The following DNM3 variants were observed in gnomAD, a reference collection of about 807,000 sequenced individuals.
The protein encoded by DNM3 is dynamin-3.
Under a neutral mutation model 101.6 loss-of-function variants are expected in DNM3, and 47 were observed. The observed-to-expected ratio is 0.46, with a 90% CI of 0.37 to 0.59. DNM3 has a LOEUF of 0.59. DNM3 is among the 20% of genes least tolerant of loss of function. DNM3 has a pLI of 0.00. For missense variants in DNM3, 849 were observed against 1,085.7 expected (o/e 0.78, Z 3.06); for synonymous variants, 385 against 387.9 (o/e 0.99, Z 0.09).
intron 2 of DNM3, among the ~76,000 whole-genome samples, chr1:171,945,127 C>T (rs974792552): frequency 6.6e-6 from 1 of 151,934 alleles, no homozygotes; most frequent in African/African-American, 2.4e-5. Flanking sequence ...GCTTTAGCCT[C>T]CCAAAGTTTT....
chr1:171,995,911 A>G (rs2045964773), intron 4 of DNM3, among the ~76,000 whole-genome samples: 1 of 152,164 alleles, frequency 6.6e-6, no homozygotes, highest in African/African-American at 2.4e-5. Flanking sequence ...ACTTTGTACT[A>G]AATTAAATCT....
chr1:171,939,911 A>G (rs975666021), intron 2 of DNM3, among the ~76,000 whole-genome samples: 2 of 152,076 alleles, frequency 1.3e-5, no homozygotes, highest in Non-Finnish European at 2.9e-5. Context: ...TCTGGAAGGC[A>G]TTGTCTCTGT....
At position 171,922,477 on chromosome 1, in the gene DNM3, C is replaced by T. The variant is rs576157500; in HGVS notation, c.235+656C>T. Among the ~76,000 whole-genome samples, 8 of 152,190 alleles carry T rather than the reference C, an allele frequency of 5.3e-5. No individual in the cohort carries two copies. In the East Asian group the frequency reaches 1.5e-3, roughly 29 times the overall value. On this transcript the variant is annotated intron_variant, in intron 2 of 20. Transcript: ENST00000627582. ...TATCAATTTCTTTGAATGCTTAAGACTGAAGCACCTCATAAAAATCATCTA... is the reference window on the plus strand; with the variant it reads ...TATCAATTTCTTTGAATGCTTAAGATTGAAGCACCTCATAAAAATCATCTA...
At chr1:172,083,063 G>T (rs983115022) in intron 12 of DNM3, among the ~76,000 whole-genome samples, 1 of 152,194 alleles carries the variant, frequency 6.6e-6, no homozygotes, top group Non-Finnish European at 1.5e-5. Context: ...CTTCTTGATA[G>T]GTATTTGCTG....
At chr1:172,229,621 C>T (rs1172689262) in intron 14 of DNM3, among the ~76,000 whole-genome samples, 1 of 152,066 alleles carries the variant, frequency 6.6e-6, no homozygotes, top group East Asian at 1.9e-4. Context: ...AATTTAAAAA[C>T]CCAAGTGATT....
chr1:172,253,369 A>T (rs1401560986), intron 14 of DNM3, among the ~76,000 whole-genome samples: 1 of 152,034 alleles, frequency 6.6e-6, no homozygotes, highest in Non-Finnish European at 1.5e-5. Context: ...ATTCCTTAAT[A>T]GCTGGTATCA....
At chr1:172,113,585 A>C (rs2055653068) in intron 13 of DNM3, among the ~76,000 whole-genome samples, 1 of 132,732 alleles carries the variant, frequency 7.5e-6, no homozygotes. Flanking sequence ...GCACCATTGC[A>C]CTCCAGCCTG....
At chr1:172,229,740 T>C (rs1175377119) in intron 14 of DNM3, among the ~76,000 whole-genome samples, 1 of 151,790 alleles carries the variant, frequency 6.6e-6, no homozygotes, top group African/African-American at 2.4e-5. Flanking sequence ...CTACAAAACA[T>C]ACACGCACGC....
At chr1:172,389,591 T>C (rs1215125655) in intron 20 of DNM3, among the ~76,000 whole-genome samples, 2 of 152,020 alleles carry the variant, frequency 1.3e-5, no homozygotes, top group Admixed American at 1.3e-4. Flanking sequence ...AGTACTAAGG[T>C]TTTTTTCCCC....
chr1:172,125,048 G>A (rs2056545870), intron 13 of DNM3, among the ~76,000 whole-genome samples: 1 of 152,138 alleles, frequency 6.6e-6, no homozygotes, highest in Non-Finnish European at 1.5e-5. Flanking sequence ...CCTTCGAGGA[G>A]CCCATGCAGC....
chr1:172,025,864 A>C (rs1216848334), intron 4 of DNM3, among the ~76,000 whole-genome samples: 1 of 152,224 alleles, frequency 6.6e-6, no homozygotes, highest in Non-Finnish European at 1.5e-5. Context: ...CAGTGCAAAA[A>C]GGCTGAAAAT....
chr1:172,331,925 G>C (rs1433212675), intron 17 of DNM3, among the ~76,000 whole-genome samples: 2 of 152,102 alleles, frequency 1.3e-5, no homozygotes, highest in Admixed American at 1.3e-4. Context: ...TTGGGTTAGG[G>C]TCACAGCAGT....
intron 1 of DNM3, among the ~76,000 whole-genome samples, chr1:171,919,911 C>T (rs1047618436): frequency 1.3e-5 from 2 of 152,154 alleles, no homozygotes; most frequent in African/African-American, 4.8e-5. Context: ...CCCACAGCAT[C>T]TCCCTAGCAC....
At chr1:172,056,157 C>T (rs1402874592) in intron 10 of DNM3, among the ~76,000 whole-genome samples, 8 of 152,206 alleles carry the variant, frequency 5.3e-5, no homozygotes, top group South Asian at 4.1e-4. Context: ...GGGCACACCA[C>T]GAGATTATAT....
At chr1:172,274,149 G>A (rs947353920) in intron 15 of DNM3, among the ~76,000 whole-genome samples, 2 of 151,942 alleles carry the variant, frequency 1.3e-5, no homozygotes, top group South Asian at 4.2e-4. Flanking sequence ...TCTTAGCATC[G>A]AAAGCCATGT....
At chr1:171,879,404 C>T (rs1166914330) in intron 1 of DNM3, among the ~76,000 whole-genome samples, 1 of 152,184 alleles carries the variant, frequency 6.6e-6, no homozygotes, top group Admixed American at 6.5e-5. Flanking sequence ...TGAAAATCCA[C>T]ACCACTTTAC....
intron 1 of DNM3, among the ~76,000 whole-genome samples, chr1:171,849,663 T>C (rs2032679433): frequency 1.3e-5 from 2 of 152,234 alleles, no homozygotes; most frequent in African/African-American, 2.4e-5. Flanking sequence ...TGTGTTCTTT[T>C]TTTTTTAAAC....
chr1:172,204,027 G>A (rs1185598608), intron 14 of DNM3, among the ~76,000 whole-genome samples: 1 of 152,074 alleles, frequency 6.6e-6, no homozygotes, highest in Non-Finnish European at 1.5e-5. Context: ...ATATACTTCT[G>A]CAGGCAGAGG....
At chr1:172,023,739 T>C (rs2048001418) in intron 4 of DNM3, among the ~76,000 whole-genome samples, 1 of 152,144 alleles carries the variant, frequency 6.6e-6, no homozygotes, top group Non-Finnish European at 1.5e-5. Flanking sequence ...TTTTCTTGAA[T>C]AGGATCTCTC....
Sources: allele counts gnomAD v4.1 joint callset (sites outside exome capture counted in the v4.1 genomes callset), GRCh38; gene constraint gnomAD v4.1.1; transcripts MANE v1.5; gene names NCBI Gene and HGNC (gene_info 2026-07-23, HGNC 2026-07-21).